GRM1: variants seen among roughly 807,000 people sequenced by gnomAD.
GRM1 encodes the protein metabotropic glutamate receptor 1.
Under a neutral mutation model 90.9 loss-of-function variants are expected in GRM1, and 33 were observed. The observed-to-expected ratio is 0.36, with a 90% CI of 0.28 to 0.49. The LOEUF (loss-of-function observed/expected upper bound fraction) is 0.49. GRM1 is among the 20% of genes least tolerant of loss of function. GRM1 has a pLI of 0.99. For synonymous variants in GRM1, 700 were observed against 613.2 expected (o/e 1.14, Z -2.09); for missense variants, 1,190 against 1,534.3 (o/e 0.78, Z 3.75).
intron 2 of GRM1, among the ~76,000 whole-genome samples, chr6:146,284,005 G>T (rs149683191): frequency 6.6e-6 from 1 of 152,302 alleles, no homozygotes; most frequent in East Asian, 1.9e-4. Context: ...TTTTGTAATT[G>T]CAGATGTTCT....
At chr6:146,148,485 A>C (rs1324478243) in intron 1 of GRM1, among the ~76,000 whole-genome samples, 1 of 152,162 alleles carries the variant, frequency 6.6e-6, no homozygotes, top group Non-Finnish European at 1.5e-5. Context: ...GACATTGAGT[A>C]CAATTTTATA....
intron 7 of GRM1, among the ~76,000 whole-genome samples, chr6:146,422,971 G>C (rs1778053894): frequency 6.6e-6 from 1 of 151,266 alleles, no homozygotes; most frequent in Non-Finnish European, 1.5e-5. Context: ...AGGGAGAGGA[G>C]GGAGGGAGGG....
At chr6:146,222,252 TTAA>T (rs1780088322) in intron 2 of GRM1, among the ~76,000 whole-genome samples, 1 of 152,174 alleles carries the variant, frequency 6.6e-6, no homozygotes, top group Non-Finnish European at 1.5e-5. Flanking sequence ...TTAAGGAGAA[TTAA>T]TGTTTTCTAA....
At chr6:146,207,071 G>A (rs1305378050) in intron 2 of GRM1, among the ~76,000 whole-genome samples, 1 of 152,172 alleles carries the variant, frequency 6.6e-6, no homozygotes, top group African/African-American at 2.4e-5. Context: ...CATTTAGGTT[G>A]ATTCCATGTC....
At chr6:146,078,782 G>C (rs1442187139) in intron 1 of GRM1, among the ~76,000 whole-genome samples, 1 of 152,144 alleles carries the variant, frequency 6.6e-6, no homozygotes, top group Non-Finnish European at 1.5e-5. Flanking sequence ...TTACGATACT[G>C]TTAGAACATA....
chr6:146,307,402 A>G (rs941367662), intron 3 of GRM1, among the ~76,000 whole-genome samples: 3 of 152,178 alleles, frequency 2.0e-5, no homozygotes, highest in Non-Finnish European at 2.9e-5. Context: ...TTTATGTTTT[A>G]TGCAGCAAAA....
At chr6:146,164,124 G>C (rs1777829686) in intron 2 of GRM1, among the ~76,000 whole-genome samples, 1 of 151,978 alleles carries the variant, frequency 6.6e-6, no homozygotes, top group Non-Finnish European at 1.5e-5. Context: ...AATAATTTAT[G>C]TGTATGAGCA....
intron 1 of GRM1, among the ~76,000 whole-genome samples, chr6:146,086,429 G>C (rs1776547452): frequency 6.6e-6 from 1 of 152,100 alleles, no homozygotes; most frequent in South Asian, 2.1e-4. Context: ...CTCTGTAAGA[G>C]AAAGGGTGCT....
intron 7 of GRM1, among the ~76,000 whole-genome samples, chr6:146,425,374 G>C (rs78800111): frequency 0.05 from 7,576 of 152,256 alleles, 622 homozygotes; most frequent in African/African-American, 0.17. Flanking sequence ...GGAATGGGAA[G>C]GGGCATGGTC....
intron 3 of GRM1, among the ~76,000 whole-genome samples, chr6:146,347,546 CT>C: frequency 6.6e-6 from 1 of 152,038 alleles, no homozygotes; most frequent in East Asian, 1.9e-4. Flanking sequence ...TTCCTGTATA[CT>C]AGCAACAAAC....
At chr6:146,414,634 C>T (rs569631341) in intron 7 of GRM1, among the ~76,000 whole-genome samples, 2 of 152,262 alleles carry the variant, frequency 1.3e-5, no homozygotes, top group African/African-American at 4.8e-5. Flanking sequence ...GATCTCCTGA[C>T]CTTGTGATCC....
chr6:146,395,716 A>G (rs1189223174), intron 6 of GRM1, among the ~76,000 whole-genome samples: 3 of 152,156 alleles, frequency 2.0e-5, no homozygotes, highest in East Asian at 1.9e-4. Context: ...CTTTAATTCA[A>G]CTTCTATAGA....
chr6:146,220,240 T>C (rs1320216682), intron 2 of GRM1, among the ~76,000 whole-genome samples: 1 of 152,176 alleles, frequency 6.6e-6, no homozygotes, highest in Non-Finnish European at 1.5e-5. Flanking sequence ...TACTTAATTA[T>C]TCAATTTAAT....
intron 1 of GRM1, among the ~76,000 whole-genome samples, chr6:146,138,701 C>T (rs1776721087): frequency 6.6e-6 from 1 of 151,844 alleles, no homozygotes; most frequent in Non-Finnish European, 1.5e-5. Context: ...CCTTTCTAAT[C>T]TCTGATTTTA....
At chr6:146,107,289 A>G (rs1034296751) in intron 1 of GRM1, among the ~76,000 whole-genome samples, 2 of 152,248 alleles carry the variant, frequency 1.3e-5, no homozygotes, top group African/African-American at 4.8e-5. Context: ...CATAAAATAA[A>G]TAGAAACATC....
At chr6:146,121,170 G>A (rs1028382805) in intron 1 of GRM1, among the ~76,000 whole-genome samples, 1 of 152,118 alleles carries the variant, frequency 6.6e-6, no homozygotes, top group Non-Finnish European at 1.5e-5. Context: ...TCTTGGGAGG[G>A]TGTATGTGTC....
chr6:146,259,824 A>G (rs940541976), intron 2 of GRM1, among the ~76,000 whole-genome samples: 10 of 152,038 alleles, frequency 6.6e-5, no homozygotes, highest in Middle Eastern at 3.4e-3. Flanking sequence ...CCAAAGGTGG[A>G]ATTGCCAGAT....
intron 2 of GRM1, among the ~76,000 whole-genome samples, chr6:146,304,103 A>G (rs1020272094): frequency 6.6e-6 from 1 of 152,194 alleles, no homozygotes. Context: ...GATTTGAATG[A>G]TGTCCCAGGA....
At chr6:146,072,348 A>G (rs1270631885) in intron 1 of GRM1, among the ~76,000 whole-genome samples, 1 of 152,130 alleles carries the variant, frequency 6.6e-6, no homozygotes, top group African/African-American at 2.4e-5. Context: ...CTGTACAGTG[A>G]TGTTGTGATA....
Sources: gnomAD v4.1 joint callset for allele counts (sites outside exome capture counted in the v4.1 genomes callset) on GRCh38, gnomAD v4.1.1 for gene constraint, MANE v1.5 for transcripts, NCBI Gene and HGNC (gene_info 2026-07-23, HGNC 2026-07-21) for gene names.